HYCC2: variants seen among roughly 807,000 people sequenced by gnomAD.
HYCC2 encodes the protein hyccin 2.
the HYCC2 span, among the ~76,000 whole-genome samples, chr2:201,032,406 C>A: frequency 6.6e-6 from 1 of 151,926 alleles, no homozygotes; most frequent in Non-Finnish European, 1.5e-5. Context: ...AATTCCTTCC[C>A]CACATCCTAT....
At chr2:201,063,177 T>C in the HYCC2 span, 2 of 1,609,856 alleles carry the variant, frequency 1.2e-6, no homozygotes, top group Non-Finnish European at 1.7e-6. Flanking sequence ...GATGAGAGCC[T>C]GAGGAGCCAT....
At chr2:200,982,005 T>G in the HYCC2 span, 1 of 876,730 alleles carries the variant, frequency 1.1e-6, no homozygotes, top group Non-Finnish European at 1.7e-6. Context: ...ACACTTCCCC[T>G]AAATAATTTA....
At chr2:201,041,629 CTTCT>C in the HYCC2 span, among the ~76,000 whole-genome samples, 7 of 152,198 alleles carry the variant, frequency 4.6e-5, no homozygotes, top group African/African-American at 7.2e-5. Flanking sequence ...GGGTTTGTAA[CTTCT>C]TTATCAGACC....
the HYCC2 span, among the ~76,000 whole-genome samples, chr2:201,007,702 G>T: frequency 6.6e-6 from 1 of 152,218 alleles, no homozygotes; most frequent in African/African-American, 2.4e-5. Flanking sequence ...TTAGGTAGGA[G>T]TTGGCCATGC....
At chr2:200,983,614 T>C in the HYCC2 span, among the ~76,000 whole-genome samples, 1 of 152,180 alleles carries the variant, frequency 6.6e-6, no homozygotes, top group Non-Finnish European at 1.5e-5. Flanking sequence ...AAAAGAACTG[T>C]ATATAATGTA....
chr2:201,006,368 T>G, the HYCC2 span, among the ~76,000 whole-genome samples: 1 of 151,240 alleles, frequency 6.6e-6, no homozygotes, highest in Admixed American at 6.6e-5. Context: ...TTTGAACTCC[T>G]GACCTCAGGT....
At chr2:201,005,421 TC>T in the HYCC2 span, among the ~76,000 whole-genome samples, 1 of 152,118 alleles carries the variant, frequency 6.6e-6, no homozygotes, top group African/African-American at 2.4e-5. Flanking sequence ...CATTTTTTTT[TC>T]CCACCTAAGG....
chr2:201,060,065 G>GC, the HYCC2 span, among the ~76,000 whole-genome samples: 49 of 130,278 alleles, frequency 3.8e-4, 2 homozygotes, highest in Non-Finnish European at 6.6e-4. Context: ...GGGGGGGGGG[G>GC]GGTTCTTCTT....
chr2:201,026,618 C>T, the HYCC2 span, among the ~76,000 whole-genome samples: 1 of 152,198 alleles, frequency 6.6e-6, no homozygotes, highest in Admixed American at 6.5e-5. Flanking sequence ...AACTGTCTTT[C>T]AGACCACAGT....
At chr2:201,071,580 G>C in the HYCC2 span, 3 of 152,670 alleles carry the variant, frequency 2.0e-5, no homozygotes, top group African/African-American at 7.2e-5. Flanking sequence ...CTAGCACTTT[G>C]CCTCCCCCAA....
At chr2:201,063,921 GA>G in the HYCC2 span, 1 of 1,597,104 alleles carries the variant, frequency 6.3e-7, no homozygotes, top group Non-Finnish European at 8.5e-7. Flanking sequence ...CCCGTGAAGG[GA>G]GGAAATTTTG....
At chr2:201,011,741 G>C in the HYCC2 span, among the ~76,000 whole-genome samples, 1 of 152,132 alleles carries the variant, frequency 6.6e-6, no homozygotes, top group Non-Finnish European at 1.5e-5. Flanking sequence ...TGACAGCAAA[G>C]ACATGAGGCA....
the HYCC2 span, among the ~76,000 whole-genome samples, chr2:200,991,548 G>A: frequency 1.3e-5 from 2 of 149,388 alleles, no homozygotes; most frequent in Admixed American, 6.8e-5. Flanking sequence ...CAGCATAGGA[G>A]ACAGAGCAAG....
chr2:201,000,217 A>T, the HYCC2 span, among the ~76,000 whole-genome samples: 4 of 151,532 alleles, frequency 2.6e-5, no homozygotes, highest in Non-Finnish European at 5.9e-5. Flanking sequence ...TACAAAAATA[A>T]TTTTTTTAAT....
At chr2:201,009,172 T>C in the HYCC2 span, 1 of 789,016 alleles carries the variant, frequency 1.3e-6, no homozygotes, top group Non-Finnish European at 2.1e-6. Context: ...AATTTTCTTT[T>C]CCATAAAAGG....
chr2:200,985,100 G>C, the HYCC2 span, among the ~76,000 whole-genome samples: 2 of 152,160 alleles, frequency 1.3e-5, no homozygotes, highest in East Asian at 3.9e-4. Context: ...AACAGAGTGA[G>C]ACCATCTGGG....
At chr2:200,997,357 G>T in the HYCC2 span, 1 of 924,914 alleles carries the variant, frequency 1.1e-6, no homozygotes, top group Admixed American at 2.1e-5. Context: ...TGTAATACCA[G>T]AAGTTAGAAC....
At chr2:201,063,529 C>A in the HYCC2 span, 1 of 1,591,130 alleles carries the variant, frequency 6.3e-7, no homozygotes, top group Admixed American at 1.7e-5. Flanking sequence ...AGAAAAGGGG[C>A]TTTGCCTTTG....
At chr2:201,037,582 A>C in the HYCC2 span, among the ~76,000 whole-genome samples, 1 of 152,232 alleles carries the variant, frequency 6.6e-6, no homozygotes, top group Non-Finnish European at 1.5e-5. Flanking sequence ...CTCAGAAATA[A>C]TGCCACATAT....
Sources: allele counts gnomAD v4.1 joint callset (sites outside exome capture counted in the v4.1 genomes callset), GRCh38; gene constraint gnomAD v4.1.1; transcripts MANE v1.5; gene names NCBI Gene and HGNC (gene_info 2026-07-23, HGNC 2026-07-21).